MACROD2: variants seen among roughly 807,000 people sequenced by gnomAD.
MACROD2 encodes mono-ADP ribosylhydrolase 2, also known as ADP-ribose glycohydrolase MACROD2.
Under a neutral mutation model 70.4 loss-of-function variants are expected in MACROD2, and 36 were observed. The observed-to-expected ratio is 0.51, with a 90% CI of 0.39 to 0.68. The LOEUF is 0.68. Among genes scored for constraint, MACROD2 ranks in the 30% least tolerant of loss-of-function variants. The pLI, the probability that MACROD2 is intolerant of heterozygous loss-of-function variation, is 0.00. For synonymous variants in MACROD2, 172 were observed against 178.8 expected (o/e 0.96, Z 0.30); for missense variants, 496 against 538.4 (o/e 0.92, Z 0.78).
At chr20:15,586,988 T>C (rs1219307662) in intron 8 of MACROD2, among the ~76,000 whole-genome samples, 1 of 152,244 alleles carries the variant, frequency 6.6e-6, no homozygotes, top group African/African-American at 2.4e-5. Context: ...CTCAACTTCA[T>C]ACATGTTGCT....
intron 5 of MACROD2, among the ~76,000 whole-genome samples, chr20:14,918,635 G>A (rs1476236101): frequency 9.7e-6 from 1 of 103,146 alleles, no homozygotes; most frequent in Admixed American, 1.1e-4. Context: ...TTTTTTTTCT[G>A]GAGTTTATTA....
intron 5 of MACROD2, among the ~76,000 whole-genome samples, chr20:14,921,498 A>G (rs900328987): frequency 2.0e-5 from 3 of 152,212 alleles, no homozygotes; most frequent in African/African-American, 7.2e-5. Flanking sequence ...TGTCATGTAT[A>G]TAAAAGCATG....
chr20:15,819,047 G>A (rs2063907067), intron 8 of MACROD2, among the ~76,000 whole-genome samples: 1 of 151,808 alleles, frequency 6.6e-6, no homozygotes, highest in South Asian at 2.1e-4. Context: ...CTCTCTGCCA[G>A]GTATATGCCC....
Position 14,720,569 on chromosome 20 carries a change from T to TTGTGTGTG in MACROD2, c.418+35614_418+35615insTGTGTGTG, listed in dbSNP as rs1555821251. 2.7e-3 allele frequency among the ~76,000 whole-genome samples: 229 copies of TTGTGTGTG among 84,062 alleles called. 2 individuals are homozygous for TTGTGTGTG. The highest frequency in any genetic ancestry group is 0.011 in the African/African-American group (222 of 21,116). 55.1% of individuals were successfully genotyped at this position (84,062 alleles called of 152,430 possible). A position where few individuals can be genotyped will look rare whatever the true frequency, so the allele number is the denominator to read the frequency against. The stretch of plus-strand genomic sequence containing the variant: ...TTTTTTTTTTTTTTTTTTTTTTTTT[T>TTGTGTGTG]TGTGAGGCAGAGTCTCGCTCTGTTG... On this transcript the variant is annotated intron_variant, in intron 5 of 17. Coordinates refer to ENST00000684519, the MANE Select transcript of MACROD2 (RefSeq NM_001351661.2).
At chr20:14,145,459 A>G (rs187098866) in intron 3 of MACROD2, among the ~76,000 whole-genome samples, 32 of 152,292 alleles carry the variant, frequency 2.1e-4, no homozygotes, top group Admixed American at 6.5e-4. Context: ...ATAAATACAA[A>G]TCTTTTAGAA....
intron 8 of MACROD2, among the ~76,000 whole-genome samples, chr20:15,818,176 G>C (rs2063897869): frequency 1.3e-5 from 2 of 152,140 alleles, no homozygotes; most frequent in Admixed American, 6.6e-5. Context: ...AATTCAGGGA[G>C]AGTCCAAAGA....
intron 8 of MACROD2, among the ~76,000 whole-genome samples, chr20:15,792,713 C>G (rs192932295): frequency 9.2e-4 from 140 of 152,190 alleles, no homozygotes; most frequent in African/African-American, 3.4e-3. Context: ...TACATTGTTG[C>G]TTGAGGTGTA....
intron 5 of MACROD2, among the ~76,000 whole-genome samples, chr20:15,004,836 A>C (rs543116411): frequency 4.6e-5 from 7 of 152,324 alleles, no homozygotes; most frequent in Admixed American, 1.3e-4. Context: ...AAATTCTGTG[A>C]ATGTCCTTAT....
chr20:15,928,196 C>T lies in MACROD2; in HGVS notation c.776-5080C>T, dbSNP rs148534845. 2.8e-4 allele frequency among the ~76,000 whole-genome samples: 42 copies of T among 152,284 alleles called. No individual in the cohort carries two copies. In the East Asian group the frequency reaches 5.8e-3, roughly 21 times the overall value. Reference sequence around the variant, plus strand: ...TCAAGGCTGATGGGCATGATTAGGACATGATTATGTCTGCAACTTACTCTC... The same window carrying T: ...TCAAGGCTGATGGGCATGATTAGGATATGATTATGTCTGCAACTTACTCTC... On this transcript the variant is annotated intron_variant, in intron 10 of 17. Coordinates refer to ENST00000684519, the MANE Select transcript of MACROD2 (RefSeq NM_001351661.2).
intron 3 of MACROD2, among the ~76,000 whole-genome samples, chr20:14,391,666 G>A (rs6135137): frequency 0.28 from 42,016 of 150,558 alleles, 6,817 homozygotes; most frequent in East Asian, 0.58. Flanking sequence ...TGTGTATATT[G>A]TAGCAACATG....
intron 8 of MACROD2, among the ~76,000 whole-genome samples, chr20:15,669,708 G>A (rs1164052377): frequency 6.6e-6 from 1 of 152,268 alleles, no homozygotes; most frequent in East Asian, 1.9e-4. Context: ...AAGACTGGAA[G>A]GAAAATTGGA....
intron 3 of MACROD2, among the ~76,000 whole-genome samples, chr20:14,200,948 GT>G (rs11087079): frequency 7.0e-5 from 10 of 143,496 alleles, no homozygotes; most frequent in East Asian, 2.0e-4. Flanking sequence ...TGCTGGTAAT[GT>G]TTTTTTTTTT....
chr20:14,138,066 C>T (rs2148703933), intron 3 of MACROD2, among the ~76,000 whole-genome samples: 1 of 152,252 alleles, frequency 6.6e-6, no homozygotes, highest in Non-Finnish European at 1.5e-5. Context: ...CACTGCATAC[C>T]TGTTAGAATG....
intron 5 of MACROD2, among the ~76,000 whole-genome samples, chr20:15,178,503 A>C (rs886314549): frequency 1.3e-5 from 2 of 152,220 alleles, no homozygotes; most frequent in African/African-American, 4.8e-5. Context: ...GCACCTATGC[A>C]TGCATATAAC....
chr20:15,708,266 C>T (rs1335973630), intron 8 of MACROD2, among the ~76,000 whole-genome samples: 1 of 151,824 alleles, frequency 6.6e-6, no homozygotes, highest in African/African-American at 2.4e-5. Context: ...ATAAATAATA[C>T]CCATAGTAAA....
intron 3 of MACROD2, among the ~76,000 whole-genome samples, chr20:14,250,960 C>A (rs944360670): frequency 6.6e-6 from 1 of 151,908 alleles, no homozygotes; most frequent in East Asian, 1.9e-4. Context: ...TGATTGTCAG[C>A]AAATACTGTG....
intron 8 of MACROD2, among the ~76,000 whole-genome samples, chr20:15,724,799 T>C (rs2423981): frequency 0.87 from 131,719 of 152,152 alleles, 57,342 homozygotes; most frequent in Non-Finnish European, 0.89. Flanking sequence ...AACTATAGAA[T>C]TGGCCAGGCA....
intron 8 of MACROD2, among the ~76,000 whole-genome samples, chr20:15,848,477 A>C (rs1177448670): frequency 6.6e-6 from 1 of 152,204 alleles, no homozygotes; most frequent in East Asian, 1.9e-4. Flanking sequence ...AGACCATGTG[A>C]CAAAACCCAA....
intron 3 of MACROD2, among the ~76,000 whole-genome samples, chr20:14,291,601 G>T (rs2082387011): frequency 1.3e-5 from 2 of 151,860 alleles, no homozygotes; most frequent in Admixed American, 1.3e-4. Flanking sequence ...TGTGGCTCAT[G>T]TTTTCATGAT....
Sources: gnomAD v4.1 joint callset for allele counts (sites outside exome capture counted in the v4.1 genomes callset) on GRCh38, gnomAD v4.1.1 for gene constraint, MANE v1.5 for transcripts, NCBI Gene and HGNC (gene_info 2026-07-23, HGNC 2026-07-21) for gene names.